AGO3: variants seen among roughly 807,000 people sequenced by gnomAD.
The protein encoded by AGO3 is argonaute RISC catalytic component 3, also known as protein argonaute-3.
In AGO3, 16 loss-of-function variants were observed where a neutral mutation model predicts 105.5. The observed-to-expected ratio is 0.15, with a 90% CI of 0.10 to 0.23. AGO3 has a LOEUF of 0.23. Ranked by LOEUF, AGO3 falls within the 10% of genes least tolerant of loss-of-function variation. AGO3 has a pLI of 1.00. For synonymous variants in AGO3, 340 were observed against 367.3 expected (o/e 0.93, Z 0.85); for missense variants, 534 against 1,088.0 (o/e 0.49, Z 7.16).
At chr1:35,937,613 C>T (rs1006513685) in intron 1 of AGO3, among the ~76,000 whole-genome samples, 4 of 152,028 alleles carry the variant, frequency 2.6e-5, no homozygotes. Flanking sequence ...TTGCTTGAAC[C>T]TGGGAGGCGG....
intron 6 of AGO3, among the ~76,000 whole-genome samples, chr1:36,007,356 C>T (rs1640385726): frequency 6.6e-6 from 1 of 152,148 alleles, no homozygotes; most frequent in African/African-American, 2.4e-5. Flanking sequence ...TAACTCTTCT[C>T]TAGGCTAAGA....
rs550933615 is a variant in AGO3 at position 35,990,481 on chromosome 1, C to G, written c.659-13860C>G. Among the ~76,000 whole-genome samples, 4 of 152,262 alleles carry G rather than the reference C, an allele frequency of 2.6e-5. No homozygotes were observed. The South Asian group carries it at 8.3e-4, about 32-fold the overall frequency. ...CAAGATTGCACCACTGCATTCCAGT[C>G]TGGGCGACAGAGACTCCATCTCAAA... On this transcript the variant is annotated intron_variant, in intron 5 of 18. Coordinates refer to ENST00000373191, the MANE Select transcript of AGO3 (RefSeq NM_024852.4).
chr1:35,945,675 T>A lies in AGO3; in HGVS notation c.20-17T>A, dbSNP rs748912666. 2 of 1,606,276 alleles carry A rather than the reference T, an allele frequency of 1.2e-6. No homozygotes were observed. Among genetic ancestry groups the A allele is most frequent in the East Asian group, 2.2e-5 (1 of 44,844 alleles). ...GCTTGTAACTGTGACTCTTTTTTTT[T>A]CCCTTTCCCCTGGCAGGACCCGCTG... On this transcript the variant is annotated splice_polypyrimidine_tract_variant and intron_variant, in intron 1 of 18. Coordinates refer to ENST00000373191, the MANE Select transcript of AGO3 (RefSeq NM_024852.4).
intron 12 of AGO3, among the ~76,000 whole-genome samples, chr1:36,033,945 A>G (rs990577501): frequency 6.6e-6 from 1 of 152,238 alleles, no homozygotes; most frequent in African/African-American, 2.4e-5. Flanking sequence ...ACCTTTTTAT[A>G]CAAAGAAGAA....
At chr1:36,053,644 A>G (rs994087663) in intron 17 of AGO3, among the ~76,000 whole-genome samples, 1 of 151,830 alleles carries the variant, frequency 6.6e-6, no homozygotes, top group African/African-American at 2.4e-5. Context: ...CAGTGGCACA[A>G]TCACCACTCA....
chr1:35,932,147 C>T (rs748787341), intron 1 of AGO3, among the ~76,000 whole-genome samples: 2 of 152,084 alleles, frequency 1.3e-5, no homozygotes, highest in Non-Finnish European at 2.9e-5. Context: ...GGGGCAAGAG[C>T]AGCAGTTTTG....
chr1:36,032,753 G>T lies in AGO3; in HGVS notation c.1592-1421G>T, dbSNP rs551769803. Among the ~76,000 whole-genome samples, 100 of 152,304 alleles carry T rather than the reference G, an allele frequency of 6.6e-4. No individual in the cohort carries two copies. The South Asian group carries it at 7.9e-3, about 12-fold the overall frequency. ...ACCTGTAATCCCAGCACTTTGGGAG[G>T]CCAAGACGGGTGGATCACTTGAGGT... On this transcript the variant is annotated intron_variant, in intron 12 of 18. Coordinates refer to ENST00000373191, the MANE Select transcript of AGO3 (RefSeq NM_024852.4).
chr1:36,005,066 A>G (rs1640276452), intron 6 of AGO3, among the ~76,000 whole-genome samples: 2 of 152,096 alleles, frequency 1.3e-5, no homozygotes, highest in Admixed American at 6.6e-5. Context: ...ATTCATCTCT[A>G]TGTGGCTGCC....
In AGO3 at chr1:36,027,634, C is replaced by T. The variant is rs1641562683; in HGVS notation, c.1591+336C>T. On this transcript the variant is annotated intron_variant, in intron 12 of 18. Transcript: ENST00000373191. The surrounding 1 kb of genome is among the most constrained non-coding windows in gnomAD (Gnocchi z 4.0). ...CTCTACTAAAAATACAAAAAATTAG[C>T]TGGGCGTGGTGGTGGGCGCCTGTGG... 6.6e-6 allele frequency among the ~76,000 whole-genome samples: 1 copy of T among 151,990 alleles called. No individual in the cohort carries two copies. Among genetic ancestry groups the T allele is most frequent in the Non-Finnish European group, 1.5e-5 (1 of 68,000 alleles).
chr1:35,943,684 A>G (rs1485504239), intron 1 of AGO3, among the ~76,000 whole-genome samples: 1 of 148,232 alleles, frequency 6.7e-6, no homozygotes, highest in Non-Finnish European at 1.5e-5. Flanking sequence ...GCTCACTGTA[A>G]CCTCCACCTC....
chr1:36,013,177 A>G (rs924562129), intron 9 of AGO3, among the ~76,000 whole-genome samples: 2 of 151,938 alleles, frequency 1.3e-5, no homozygotes, highest in African/African-American at 4.8e-5. Context: ...GAGCTCAAGC[A>G]GTTCTCCCAC....
Position 36,070,847 on chromosome 1 carries a change from G to A in AGO3, c.*15102G>A, listed in dbSNP as rs1009877626. 6.6e-6 allele frequency: 1 copy of A among 152,182 alleles called. No individual in the cohort carries two copies. The highest frequency in any genetic ancestry group is 1.5e-5 in the Non-Finnish European group (1 of 68,040). 9.4% of individuals were successfully genotyped at this position (152,182 alleles called of 1,614,324 possible). A position where few individuals can be genotyped will look rare whatever the true frequency, so the allele number is the denominator to read the frequency against. On this transcript the variant is annotated 3_prime_UTR_variant, in exon 19 of 19. Coordinates refer to ENST00000373191, the MANE Select transcript of AGO3 (RefSeq NM_024852.4). ...TAAACTATTTTTGCTGTAATGTGTA[G>A]CTTTAATGTCTCTTTTCAGTTATGG...
rs375114646 is a variant in AGO3 at position 36,045,151 on chromosome 1, T to G, written c.2274+1603T>G. ...AATGGGAGGTCCAGAGGAAGTGATG[T>G]CAGCAAGATGGCTGACTAGAAGCCC... is the stretch of plus-strand genomic sequence containing the variant. On this transcript the variant is annotated intron_variant, in intron 17 of 18. Transcript: ENST00000373191. 1.1e-4 allele frequency among the ~76,000 whole-genome samples: 17 copies of G among 152,344 alleles called. No individual in the cohort carries two copies. In the East Asian group the frequency reaches 1.5e-3, roughly 14 times the overall value.
At chr1:35,945,265 C>T (rs756947619) in intron 1 of AGO3, among the ~76,000 whole-genome samples, 23 of 151,182 alleles carry the variant, frequency 1.5e-4, no homozygotes, top group Admixed American at 4.6e-4. Context: ...GAGTCTGGAG[C>T]GTCGTGTTAC....
At chr1:35,945,292 A>G (rs529430149) in intron 1 of AGO3, among the ~76,000 whole-genome samples, 4 of 149,570 alleles carry the variant, frequency 2.7e-5, no homozygotes, top group Admixed American at 6.7e-5. Flanking sequence ...AGCTCAAGTG[A>G]TCCTCCTACC....
chr1:35,966,590 G>A (rs191246237), intron 2 of AGO3, among the ~76,000 whole-genome samples: 1 of 152,316 alleles, frequency 6.6e-6, no homozygotes, highest in Admixed American at 6.5e-5. Flanking sequence ...TGTACTAGGT[G>A]TCTTCTTGGT....
chr1:35,954,624 A>G (rs1325827422), intron 2 of AGO3, among the ~76,000 whole-genome samples: 1 of 152,220 alleles, frequency 6.6e-6, no homozygotes, highest in Non-Finnish European at 1.5e-5. Flanking sequence ...CTATGTTTTC[A>G]TTAACTGTTT....
intron 3 of AGO3, among the ~76,000 whole-genome samples, chr1:35,971,127 A>C (rs1210976500): frequency 7.0e-6 from 1 of 143,132 alleles, no homozygotes. Context: ...TTATATTATA[A>C]ATTATAAATT....
At chr1:36,020,871 C>T (rs185822035) in intron 11 of AGO3, among the ~76,000 whole-genome samples, 44 of 152,050 alleles carry the variant, frequency 2.9e-4, no homozygotes, top group Admixed American at 1.4e-3. Flanking sequence ...CCAACCTTGG[C>T]CTCCCAAAGT....
Sources: gnomAD v4.1 joint callset for allele counts (sites outside exome capture counted in the v4.1 genomes callset) on GRCh38, gnomAD v4.1.1 for gene constraint, Gnocchi (gnomAD v3.1) non-coding constraint, MANE v1.5 for transcripts, NCBI Gene and HGNC (gene_info 2026-07-23, HGNC 2026-07-21) for gene names.